The following SGMS1 variants were observed in gnomAD, a reference collection of about 807,000 sequenced individuals.
SGMS1 encodes the protein phosphatidylcholine:ceramide cholinephosphotransferase 1.
Under a neutral mutation model 46.2 loss-of-function variants are expected in SGMS1, and 13 were observed. The observed-to-expected ratio is 0.28, with a 90% confidence interval of 0.18 to 0.45. SGMS1 has a LOEUF of 0.45. SGMS1 is among the 20% of genes least tolerant of loss of function. SGMS1 has a pLI of 1.00. For missense variants in SGMS1, 324 were observed against 519.9 expected (o/e 0.62, Z 3.66); for synonymous variants, 203 against 187.8 (o/e 1.08, Z -0.66).
At chr10:50,420,297 G>A (rs764903341) in intron 6 of SGMS1, among the ~76,000 whole-genome samples, 59 of 152,284 alleles carry the variant, frequency 3.9e-4, no homozygotes, top group Middle Eastern at 6.8e-3. Flanking sequence ...ACCAATAGGC[G>A]TAACATGAAG....
At chr10:50,386,561 T>C (rs1249973542) in intron 6 of SGMS1, among the ~76,000 whole-genome samples, 1 of 152,194 alleles carries the variant, frequency 6.6e-6, no homozygotes, top group African/African-American at 2.4e-5. Flanking sequence ...ATAAAACGCA[T>C]GTGTAGTTCT....
intron 2 of SGMS1, among the ~76,000 whole-genome samples, chr10:50,544,313 G>A (rs913590428): frequency 3.3e-5 from 5 of 152,136 alleles, no homozygotes; most frequent in African/African-American, 4.8e-5. Context: ...AGGGAGACAC[G>A]GAGGATATGA....
At chr10:50,334,566 G>C (rs1847684384) in intron 7 of SGMS1, 1 of 151,984 alleles carries the variant, frequency 6.6e-6, no homozygotes, top group Non-Finnish European at 1.5e-5. Context: ...TTTTTAACAG[G>C]GGGTTTCTGA....
At chr10:50,618,790 T>G (rs571236800) in intron 1 of SGMS1, among the ~76,000 whole-genome samples, 2 of 152,298 alleles carry the variant, frequency 1.3e-5, no homozygotes, top group South Asian at 4.1e-4. Context: ...TACATACCCT[T>G]AGAGCAGCGG....
intron 5 of SGMS1, among the ~76,000 whole-genome samples, chr10:50,456,587 CTT>C (rs1473142517): frequency 1.3e-5 from 2 of 152,152 alleles, no homozygotes; most frequent in African/African-American, 2.4e-5. Context: ...GCACAGAACT[CTT>C]TGGTTTCAGG....
upstream of SGMS1, chr10:50,624,114 A>G (rs1838888397): frequency 1.2e-5 from 12 of 985,410 alleles, no homozygotes; most frequent in Non-Finnish European, 1.4e-5. Flanking sequence ...ACCAAGGGAC[A>G]GTCGCAGTTT....
At chr10:50,590,499 T>C (rs184422382) in intron 1 of SGMS1, among the ~76,000 whole-genome samples, 149 of 152,360 alleles carry the variant, frequency 9.8e-4, no homozygotes, top group African/African-American at 3.3e-3. Flanking sequence ...TTTCTTTTTT[T>C]TTCCCTCCAA....
intron 2 of SGMS1, among the ~76,000 whole-genome samples, chr10:50,534,773 T>C (rs1382932883): frequency 6.6e-6 from 1 of 152,150 alleles, no homozygotes; most frequent in Non-Finnish European, 1.5e-5. Flanking sequence ...ATAAAATATA[T>C]ACACATAGAA....
At chr10:50,458,060 G>GCT (rs1837214846) in intron 5 of SGMS1, among the ~76,000 whole-genome samples, 1 of 152,196 alleles carries the variant, frequency 6.6e-6, no homozygotes, top group Non-Finnish European at 1.5e-5. Context: ...CTCAAGAGGG[G>GCT]CTCAGTCCGT....
chr10:50,557,781 A>G (rs1428225416), intron 2 of SGMS1, among the ~76,000 whole-genome samples: 4 of 152,128 alleles, frequency 2.6e-5, no homozygotes, highest in African/African-American at 9.7e-5. Context: ...CAATCAGCAT[A>G]CCTGCCTTTT....
intron 1 of SGMS1, among the ~76,000 whole-genome samples, chr10:50,613,766 G>A (rs1346375380): frequency 1.3e-5 from 2 of 152,162 alleles, no homozygotes; most frequent in Non-Finnish European, 2.9e-5. Flanking sequence ...TTTTCGTCCC[G>A]AGGTTTTATA....
At chr10:50,600,719 C>T (rs1838642012) in intron 1 of SGMS1, among the ~76,000 whole-genome samples, 1 of 152,206 alleles carries the variant, frequency 6.6e-6, no homozygotes, top group Non-Finnish European at 1.5e-5. Flanking sequence ...ATTTCTATTC[C>T]ACTAACCTTT....
chr10:50,514,175 T>C (rs1319766013), intron 3 of SGMS1, among the ~76,000 whole-genome samples: 1 of 152,198 alleles, frequency 6.6e-6, no homozygotes, highest in Non-Finnish European at 1.5e-5. Flanking sequence ...TATTTCTAAA[T>C]GATGCAGTCT....
intron 3 of SGMS1, among the ~76,000 whole-genome samples, chr10:50,500,076 G>GT (rs1228031490): frequency 1.3e-5 from 2 of 152,230 alleles, no homozygotes; most frequent in Non-Finnish European, 2.9e-5. Flanking sequence ...GCTGAGGCAA[G>GT]AGGATCGCTT....
At chr10:50,591,199 A>G (rs1032776143) in intron 1 of SGMS1, among the ~76,000 whole-genome samples, 11 of 152,164 alleles carry the variant, frequency 7.2e-5, no homozygotes, top group Admixed American at 1.3e-4. Flanking sequence ...GGGTTTATGG[A>G]TCCCATTTTC....
At chr10:50,508,498 A>G (rs959366603) in intron 3 of SGMS1, among the ~76,000 whole-genome samples, 5 of 152,178 alleles carry the variant, frequency 3.3e-5, no homozygotes, top group African/African-American at 9.7e-5. Context: ...AAAGGAAGTC[A>G]TGTCAGTCAT....
chr10:50,451,867 T>G (rs1837114255), intron 5 of SGMS1, among the ~76,000 whole-genome samples: 1 of 152,148 alleles, frequency 6.6e-6, no homozygotes, highest in Non-Finnish European at 1.5e-5. Flanking sequence ...TTGAGACTAG[T>G]TTCTTTTTTT....
intron 6 of SGMS1, among the ~76,000 whole-genome samples, chr10:50,412,717 A>G (rs957464657): frequency 3.3e-5 from 5 of 152,380 alleles, no homozygotes; most frequent in Admixed American, 2.0e-4. Flanking sequence ...CATAATATCA[A>G]GAGTAAGATT....
chr10:50,562,364 GCA>G (rs80161779), intron 2 of SGMS1, among the ~76,000 whole-genome samples: 36,562 of 146,424 alleles, frequency 0.25, 4,537 homozygotes, highest in African/African-American at 0.29. Flanking sequence ...GTGCGCGCGC[GCA>G]CACACACACA....
Sources: gnomAD v4.1 joint callset for allele counts (sites outside exome capture counted in the v4.1 genomes callset) on GRCh38, gnomAD v4.1.1 for gene constraint, MANE v1.5 for transcripts, NCBI Gene and HGNC (gene_info 2026-07-23, HGNC 2026-07-21) for gene names.